The following ZFHX3 variants were observed in gnomAD, a reference collection of about 807,000 sequenced individuals.
The protein encoded by ZFHX3 is zinc finger homeobox 3, also known as zinc finger homeobox protein 3.
ZFHX3 carries 42 observed loss-of-function variants against 279.1 expected under a neutral mutation model. The observed-to-expected ratio is 0.15, with a 90% confidence interval of 0.12 to 0.19. ZFHX3 has a LOEUF of 0.19. Ranked by LOEUF, ZFHX3 falls within the 10% of genes least tolerant of loss-of-function variation. The probability of loss-of-function intolerance (pLI) is 1.00; values close to 1 mark genes in which losing one functional copy is unlikely to be tolerated. For missense variants in ZFHX3, 4,981 were observed against 4,754.0 expected (o/e 1.05, Z -1.40); for synonymous variants, 2,293 against 1,957.8 (o/e 1.17, Z -4.52).
At chr16:73,259,038 C>T (rs528131421) in intron 4 of ZFHX3, among the ~76,000 whole-genome samples, 6 of 152,164 alleles carry the variant, frequency 3.9e-5, no homozygotes, top group East Asian at 1.9e-4. Context: ...GTTGGAGCTA[C>T]GGTTTCAATT....
At chr16:73,705,542 C>T (rs1261365807) in intron 1 of ZFHX3, among the ~76,000 whole-genome samples, 1 of 152,188 alleles carries the variant, frequency 6.6e-6, no homozygotes, top group Admixed American at 6.5e-5. Context: ...CCTATAAGGC[C>T]TTGAAATATT....
chr16:73,276,958 A>T (rs2014317500), intron 4 of ZFHX3, among the ~76,000 whole-genome samples: 1 of 152,226 alleles, frequency 6.6e-6, no homozygotes, highest in Non-Finnish European at 1.5e-5. Context: ...CCATTAGAAC[A>T]GGTCAGACAT....
intron 2 of ZFHX3, among the ~76,000 whole-genome samples, chr16:73,636,202 C>T (rs1009728213): frequency 3.9e-5 from 6 of 152,178 alleles, no homozygotes; most frequent in African/African-American, 1.4e-4. Flanking sequence ...CTGTGTATTA[C>T]TAGACTCCTC....
chr16:73,513,831 G>C (rs539541525), intron 2 of ZFHX3, among the ~76,000 whole-genome samples: 1 of 152,116 alleles, frequency 6.6e-6, no homozygotes, highest in African/African-American at 2.4e-5. Context: ...GCCCACCACA[G>C]AGAAGACGCT....
At chr16:73,153,988 G>T (rs1159574716) in intron 5 of ZFHX3, among the ~76,000 whole-genome samples, 1 of 152,160 alleles carries the variant, frequency 6.6e-6, no homozygotes, top group Non-Finnish European at 1.5e-5. Context: ...ACAGGTGTGA[G>T]CCACGGCGCC....
intron 7 of ZFHX3, among the ~76,000 whole-genome samples, chr16:72,802,439 C>CT (rs2036133812): frequency 6.6e-6 from 1 of 152,202 alleles, no homozygotes; most frequent in African/African-American, 2.4e-5. Flanking sequence ...ACCTCACATG[C>CT]TCCTCTGCAT....
chr16:73,155,779 C>T (rs1047235370), intron 5 of ZFHX3, among the ~76,000 whole-genome samples: 6 of 151,906 alleles, frequency 3.9e-5, no homozygotes, highest in Non-Finnish European at 5.9e-5. Context: ...GCCGAGATCG[C>T]GCCATTGCAC....
chr16:72,960,089 A>C lies in ZFHX3; in HGVS notation c.57T>G (p.Pro19=). 2 of 1,612,360 alleles carry C rather than the reference A, an allele frequency of 1.2e-6. No individual in the cohort carries two copies. The highest frequency in any genetic ancestry group is 1.7e-6 in the Non-Finnish European group (2 of 1,179,242). Residue 19 remains proline (P), a synonymous_variant, in exon 2 of 10, where the codon CCT becomes CCG. Coordinates refer to ENST00000268489, the MANE Select transcript of ZFHX3 (RefSeq NM_006885.4). The part of the protein sequence containing the change: ...VSGKDNGCGI[P]QHQQWTELNS... The stretch of plus-strand genomic sequence containing the variant: ...TGAGTTCAGTCCATTGCTGGTGCTG[A>C]GGGATACCGCACCCATTGTCCTTCC...
intron 2 of ZFHX3, among the ~76,000 whole-genome samples, chr16:73,533,444 T>C (rs1457395685): frequency 6.6e-6 from 1 of 150,482 alleles, no homozygotes; most frequent in Non-Finnish European, 1.5e-5. Flanking sequence ...CTATTCTCCC[T>C]TCCTCTCTTG....
At chr16:73,410,831 A>G (rs751521782) in intron 3 of ZFHX3, among the ~76,000 whole-genome samples, 11 of 152,214 alleles carry the variant, frequency 7.2e-5, no homozygotes, top group East Asian at 1.9e-4. Flanking sequence ...CACAAGCATG[A>G]TTCCATCTCC....
chr16:73,640,034 T>A (rs1412796557), intron 2 of ZFHX3, among the ~76,000 whole-genome samples: 1 of 152,128 alleles, frequency 6.6e-6, no homozygotes, highest in African/African-American at 2.4e-5. Flanking sequence ...CGTTCTCTCC[T>A]CCATCCCTCA....
chr16:73,538,721 C>G (rs2019953725), intron 2 of ZFHX3, among the ~76,000 whole-genome samples: 1 of 152,164 alleles, frequency 6.6e-6, no homozygotes, highest in Admixed American at 6.5e-5. Flanking sequence ...TTAGAAATCC[C>G]ACCTTCGCAA....
intron 3 of ZFHX3, among the ~76,000 whole-genome samples, chr16:73,434,020 C>T (rs1255057985): frequency 6.6e-6 from 1 of 152,206 alleles, no homozygotes; most frequent in Non-Finnish European, 1.5e-5. Context: ...GAGGAGGCGT[C>T]CTTTGTGGCT....
At chr16:73,414,767 T>C (rs1391074424) in intron 3 of ZFHX3, among the ~76,000 whole-genome samples, 2 of 151,974 alleles carry the variant, frequency 1.3e-5, no homozygotes, top group African/African-American at 2.4e-5. Context: ...GCCTGGGAGG[T>C]TGAGGCTGCA....
At chr16:73,782,453 G>A (rs1349657641) in intron 1 of ZFHX3, among the ~76,000 whole-genome samples, 4 of 152,180 alleles carry the variant, frequency 2.6e-5, no homozygotes, top group Admixed American at 1.3e-4. Flanking sequence ...GCTATTTAAG[G>A]TCCCTAATTT....
intron 4 of ZFHX3, among the ~76,000 whole-genome samples, chr16:73,294,512 T>A (rs1418751252): frequency 6.6e-6 from 1 of 152,202 alleles, no homozygotes; most frequent in Non-Finnish European, 1.5e-5. Flanking sequence ...GTAACATAGT[T>A]TAAAAACAGG....
intron 3 of ZFHX3, among the ~76,000 whole-genome samples, chr16:73,335,179 T>G (rs1436584516): frequency 6.6e-6 from 1 of 152,058 alleles, no homozygotes; most frequent in East Asian, 1.9e-4. Flanking sequence ...ACTGTTGAAG[T>G]GATAGCTATA....
chr16:73,445,789 G>A (rs2018176373), intron 3 of ZFHX3, among the ~76,000 whole-genome samples: 1 of 152,196 alleles, frequency 6.6e-6, no homozygotes, highest in African/African-American at 2.4e-5. Context: ...ACACCTGGGA[G>A]CAGGTGTCCA....
chr16:73,481,681 T>C (rs930935682), intron 2 of ZFHX3, among the ~76,000 whole-genome samples: 2 of 151,932 alleles, frequency 1.3e-5, no homozygotes, highest in Non-Finnish European at 2.9e-5. Context: ...TTTGTAGAGA[T>C]AGGGTCTCAC....
Sources: gnomAD v4.1 joint callset for allele counts (sites outside exome capture counted in the v4.1 genomes callset) on GRCh38, gnomAD v4.1.1 for gene constraint, MANE v1.5 for transcripts, NCBI Gene and HGNC (gene_info 2026-07-23, HGNC 2026-07-21) for gene names.